The following OTUD1 variants were observed in gnomAD, a reference collection of about 807,000 sequenced individuals.
OTUD1 encodes OTU deubiquitinase 1.
In OTUD1, 15 loss-of-function variants were observed where a neutral mutation model predicts 30.0. The ratio of observed to expected loss-of-function variants is 0.50; its 90% CI spans 0.33 to 0.77. The LOEUF (loss-of-function observed/expected upper bound fraction) is 0.77, where lower values mean the gene tolerates loss of function less well. Ranked by LOEUF, OTUD1 falls within the 30% of genes least tolerant of loss-of-function variation. The pLI, the probability that OTUD1 is intolerant of heterozygous loss-of-function variation, is 0.02. For synonymous variants in OTUD1, 381 were observed against 326.3 expected (o/e 1.17, Z -1.81); for missense variants, 796 against 697.8 (o/e 1.14, Z -1.59).
Position 23,440,703 on chromosome 10 carries a change from G to A in OTUD1, c.1246G>A (p.Asp416Asn). The A allele has an allele frequency of 6.4e-7, 1 of 1,551,920 alleles. No homozygotes were observed. The highest frequency in any genetic ancestry group is 8.7e-7 in the Non-Finnish European group (1 of 1,147,058). ...STMIHYLGPE[D>N]SLRPSIWLSW... ...CATGATTCATTATTTGGGCCCAGAG[G>A]ATTCCCTGAGGCCTAGTATTTGGCT... The change falls in exon 1 of 1, where the codon GAT becomes AAT. Residue 416 changes from aspartate (D) to asparagine (N), a missense_variant. By Grantham distance (23) the Asp-to-Asn change is conservative. Coordinates refer to ENST00000376495, the MANE Select transcript of OTUD1 (RefSeq NM_001145373.3).
Position 23,441,114 on chromosome 10 carries a change from T to C in OTUD1, c.*211T>C, listed in dbSNP as rs899198466. The C allele has an allele frequency of 6.0e-5, 35 of 582,410 alleles. No homozygotes were observed. Among genetic ancestry groups the C allele is most frequent in the Non-Finnish European group, 2.8e-5 (9 of 327,002 alleles). The allele number at this position is 582,410 out of a possible 1,614,324, so 36.1% of individuals were successfully genotyped here. On this transcript the variant is annotated 3_prime_UTR_variant, in exon 1 of 1. Coordinates refer to ENST00000376495, the MANE Select transcript of OTUD1 (RefSeq NM_001145373.3). ...GTTTCATGATAGCTTTGGGTGATTTTACTGCTATTTATAATTTGCTGTATA... is the reference window on the plus strand; with the variant it reads ...GTTTCATGATAGCTTTGGGTGATTTCACTGCTATTTATAATTTGCTGTATA...
Position 23,439,638 on chromosome 10 carries a change from C to A in OTUD1, c.181C>A (p.His61Asn). 7.7e-7 allele frequency: 1 copy of A among 1,299,152 alleles called. No individual in the cohort carries two copies. Among genetic ancestry groups the A allele is most frequent in the South Asian group, 1.9e-5 (1 of 53,328 alleles). 80.5% of individuals were successfully genotyped at this position (1,299,152 alleles called of 1,614,324 possible). ...GECQPAAAAE[H>N]REAAAVPAAK... ...GTGCCAGCCCGCCGCGGCCGCCGAG[C>A]ACCGGGAAGCCGCCGCTGTCCCCGC... Residue 61 changes from histidine to asparagine, a missense_variant, in exon 1 of 1, where the codon CAC becomes AAC. His to Asn is a moderately conservative substitution (Grantham distance 68). Coordinates refer to ENST00000376495, the MANE Select transcript of OTUD1 (RefSeq NM_001145373.3).
rs1847121277 is a variant in OTUD1 at position 23,440,934 on chromosome 10, A to G, written c.*31A>G. The G allele has an allele frequency of 6.6e-7, 1 of 1,523,168 alleles. No individual in the cohort carries two copies. Among genetic ancestry groups the G allele is most frequent in the Non-Finnish European group, 8.8e-7 (1 of 1,132,710 alleles). 94.4% of individuals were successfully genotyped at this position (1,523,168 alleles called of 1,614,324 possible). A position where few individuals can be genotyped will look rare whatever the true frequency, so the allele number is the denominator to read the frequency against. On this transcript the variant is annotated 3_prime_UTR_variant, in exon 1 of 1. Coordinates refer to ENST00000376495, the MANE Select transcript of OTUD1 (RefSeq NM_001145373.3). ...CTCAAAACCTTACACCCTGGGAATA[A>G]TTGCATATATAACTTGTGTTTGGAG...
chr10:23,440,001 T>A lies in OTUD1; in HGVS notation c.544T>A (p.Leu182Met). The change falls in exon 1 of 1, where the codon TTG becomes ATG. Residue 182 changes from leucine to methionine, a missense_variant. By Grantham distance (15) the Leu-to-Met change is conservative (BLOSUM62 2). Transcript: ENST00000376495. ...GCCCGACTGCCCCGAGCCCGCGGGC[T>A]TGGACGCGACACGGGAGGGGCCCGA... ...LRPDCPEPAGLDATREGPDRN... is the reference protein window; with the variant it reads ...LRPDCPEPAGMDATREGPDRN... 7.1e-7 allele frequency: 1 copy of A among 1,403,482 alleles called. No individual in the cohort carries two copies. Among genetic ancestry groups the A allele is most frequent in the East Asian group, 3.1e-5 (1 of 32,370 alleles). 86.9% of individuals were successfully genotyped at this position (1,403,482 alleles called of 1,614,324 possible). A position where few individuals can be genotyped will look rare whatever the true frequency, so the allele number is the denominator to read the frequency against.
Position 23,439,349 on chromosome 10 carries a change from G to C in OTUD1, c.-109G>C, listed in dbSNP as rs1002684380. ...CTGCCTTTCGCTCATCTCTATTCTG[G>C]GGCCGTTGGGTCACCGCGCTCCGCC... On this transcript the variant is annotated 5_prime_UTR_variant, in exon 1 of 1. Coordinates refer to ENST00000376495, the MANE Select transcript of OTUD1 (RefSeq NM_001145373.3). 2.0e-6 allele frequency: 2 copies of C among 1,004,684 alleles called. No homozygotes were observed. The highest frequency in any genetic ancestry group is 3.4e-5 in the African/African-American group (2 of 58,740). 62.2% of individuals were successfully genotyped at this position (1,004,684 alleles called of 1,614,324 possible).
chr10:23,439,822 AC>A lies in OTUD1; in HGVS notation c.366del (p.Asp122GlufsTer74). On this transcript the variant is annotated frameshift_variant, in exon 1 of 1. Coordinates refer to ENST00000376495, the MANE Select transcript of OTUD1 (RefSeq NM_001145373.3). LOFTEE classifies it high-confidence loss of function. ...AQITVRALGA[D>X]RLLLHGPDPV... The stretch of plus-strand genomic sequence containing the variant: ...ATCACCGTGCGGGCCCTGGGCGCCG[AC>A]AGGCTCCTGCTGCACGGGCCCGATC... The A allele has an allele frequency of 8.9e-7, 1 of 1,120,444 alleles. No individual in the cohort carries two copies. Among genetic ancestry groups the A allele is most frequent in the Non-Finnish European group, 1.1e-6 (1 of 920,720 alleles). 69.4% of individuals were successfully genotyped at this position (1,120,444 alleles called of 1,614,324 possible). A position where few individuals can be genotyped will look rare whatever the true frequency, so the allele number is the denominator to read the frequency against.
Position 23,439,908 on chromosome 10 carries a change from C to G in OTUD1, c.451C>G (p.Pro151Ala). 11 of 1,205,852 alleles carry G rather than the reference C, an allele frequency of 9.1e-6. No homozygotes were observed. Among genetic ancestry groups the G allele is most frequent in the Non-Finnish European group, 1.1e-5 (11 of 974,454 alleles). 74.7% of individuals were successfully genotyped at this position (1,205,852 alleles called of 1,614,324 possible). The change falls in exon 1 of 1, where the codon CCG (proline) becomes GCG (alanine). Residue 151 changes from proline (P) to alanine (A), a missense_variant. Physicochemically the swap from Pro to Ala is conservative, Grantham distance 27. Transcript: ENST00000376495. ...APRGRCLLLAPAPAAPVPPRR... is the reference protein window; with the variant it reads ...APRGRCLLLAAAPAAPVPPRR... ...GCGCGGCCGCTGCCTCCTGCTCGCC[C>G]CGGCGCCCGCAGCCCCGGTCCCGCC...
chr10:23,439,962 G>C lies in OTUD1; in HGVS notation c.505G>C (p.Glu169Gln). 7.8e-7 allele frequency: 1 copy of C among 1,277,510 alleles called. No homozygotes were observed. Among genetic ancestry groups the C allele is most frequent in the Non-Finnish European group, 9.8e-7 (1 of 1,016,834 alleles). 79.1% of individuals were successfully genotyped at this position (1,277,510 alleles called of 1,614,324 possible). A position where few individuals can be genotyped will look rare whatever the true frequency, so the allele number is the denominator to read the frequency against. ...PRRGSSAWLL[E>Q]ELLRPDCPEP... is the part of the protein sequence containing the mutation. ...GCGGGGCTCCTCGGCCTGGCTCCTG[G>C]AGGAGCTGCTGCGGCCCGACTGCCC... The change falls in exon 1 of 1, where the codon GAG (glutamate) becomes CAG (glutamine). Residue 169 changes from glutamate to glutamine, a missense_variant. Transcript: ENST00000376495.
chr10:23,440,103 AGCCCCGATCCCG>A lies in OTUD1; in HGVS notation c.653_664del (p.Asp218_Pro221del), dbSNP rs1847111030. ...CCGAGGCCCCGCGGCGACCCCGGGG[AGCCCCGATCCCG>A]GCCCCGGTCCGTGGGGCGAAGAGCA... On this transcript the variant is annotated inframe_deletion, in exon 1 of 1. Transcript: ENST00000376495. The A allele has an allele frequency of 7.0e-7, 1 of 1,428,264 alleles. No homozygotes were observed. The highest frequency in any genetic ancestry group is 1.5e-5 in the African/African-American group (1 of 66,312). 88.5% of individuals were successfully genotyped at this position (1,428,264 alleles called of 1,614,324 possible).
rs1381437754 is a variant in OTUD1, at chr10:23,440,847, A to C, written c.1390A>C (p.Lys464Gln). 4 of 1,552,012 alleles carry C rather than the reference A, an allele frequency of 2.6e-6. No individual in the cohort carries two copies. The South Asian group carries it at 3.6e-5, about 14-fold the overall frequency. Residue 464 changes from lysine to glutamine, a missense_variant, in exon 1 of 1, where the codon AAA becomes CAA. Transcript: ENST00000376495. Reference protein sequence around the residue: ...VQRKRDEELAKSMAISLSKMY... With the variant: ...VQRKRDEELAQSMAISLSKMY... ...AAGGAAACGCGACGAAGAACTTGCC[A>C]AATCTATGGCCATATCCTTGTCTAA...
In OTUD1 at chr10:23,441,322, A is replaced by G. The variant is rs535037814; in HGVS notation, c.*419A>G. 13 of 177,136 alleles carry G rather than the reference A, an allele frequency of 7.3e-5. No individual in the cohort carries two copies. Among genetic ancestry groups the G allele is most frequent in the African/African-American group, 2.6e-4 (11 of 41,788 alleles). 11.0% of individuals were successfully genotyped at this position (177,136 alleles called of 1,614,324 possible). ...GCGTAAATCCAGAGAAGTGCTTTAT[A>G]TGAAATGTATTATTTTGAACAGAGT... On this transcript the variant is annotated 3_prime_UTR_variant, in exon 1 of 1. Coordinates refer to ENST00000376495, the MANE Select transcript of OTUD1 (RefSeq NM_001145373.3).
Position 23,440,798 on chromosome 10 carries a change from C to G in OTUD1, c.1341C>G (p.Asn447Lys), listed in dbSNP as rs1847119261. The change falls in exon 1 of 1, where the codon AAC (asparagine) becomes AAG (lysine). Residue 447 changes from asparagine (N) to lysine (K), a missense_variant. Coordinates refer to ENST00000376495, the MANE Select transcript of OTUD1 (RefSeq NM_001145373.3). Reference sequence around the variant, plus strand: ...CCTATCCTAACCCAGAGTACGACAACTGGTGCAAACAAACTCAAGTGCAAA... The same window carrying G: ...CCTATCCTAACCCAGAGTACGACAAGTGGTGCAAACAAACTCAAGTGCAAA... ...DHSYPNPEYD[N>K]WCKQTQVQRK... 6.4e-7 allele frequency: 1 copy of G among 1,552,222 alleles called. No homozygotes were observed. The highest frequency in any genetic ancestry group is 2.0e-5 in the Admixed American group (1 of 51,018).
Position 23,442,047 on chromosome 10 carries a change from T to C in OTUD1, c.*1144T>C, listed in dbSNP as rs1024274310. 1.8e-5 allele frequency: 3 copies of C among 167,040 alleles called. No homozygotes were observed. The highest frequency in any genetic ancestry group is 7.2e-5 in the African/African-American group (3 of 41,480). 10.3% of individuals were successfully genotyped at this position (167,040 alleles called of 1,614,324 possible). A position where few individuals can be genotyped will look rare whatever the true frequency, so the allele number is the denominator to read the frequency against. On this transcript the variant is annotated 3_prime_UTR_variant, in exon 1 of 1. Transcript: ENST00000376495. ...CTTTAACTACTTTTAGTCATATTTA[T>C]TAAGTAATGCAGTTTGTACTTTTTT...
Position 23,442,118 on chromosome 10 carries a change from A to G in OTUD1, c.*1215A>G, listed in dbSNP as rs1173212204. On this transcript the variant is annotated 3_prime_UTR_variant, in exon 1 of 1. Coordinates refer to ENST00000376495, the MANE Select transcript of OTUD1 (RefSeq NM_001145373.3). ...TTTTTTTGTACAAAACTGTATTTGT[A>G]CAATAGAGCAATTCCCAGCTGATGG... The G allele has an allele frequency of 6.0e-6, 1 of 167,030 alleles. No homozygotes were observed. Among genetic ancestry groups the G allele is most frequent in the Non-Finnish European group, 1.5e-5 (1 of 68,124 alleles). The allele number at this position is 167,030 out of a possible 1,614,324, so 10.3% of individuals were successfully genotyped here. A position where few individuals can be genotyped will look rare whatever the true frequency, so the allele number is the denominator to read the frequency against.
rs765397206 is a variant in OTUD1, at chr10:23,439,725, TCCGCCG to T, written c.275_280del (p.Ala92_Ala93del). 3 of 1,175,080 alleles carry T rather than the reference TCCGCCG, an allele frequency of 2.6e-6. No individual in the cohort carries two copies. Among genetic ancestry groups the T allele is most frequent in the Non-Finnish European group, 3.1e-6 (3 of 956,164 alleles). The allele number at this position is 1,175,080 out of a possible 1,614,324, so 72.8% of individuals were successfully genotyped here. On this transcript the variant is annotated inframe_deletion, in exon 1 of 1. Transcript: ENST00000376495. ...GGTGTCCGGGGCCGCCGCGCCCGCC[TCCGCCG>T]CCGCCGGCCCGCCCGGCGCGTCCTG...
rs1037917114 is a variant in OTUD1, at chr10:23,440,240, A to G, written c.783A>G (p.Ala261=). The change falls in exon 1 of 1, where the codon GCA becomes GCG. Residue 261 remains alanine (A), a synonymous_variant. Coordinates refer to ENST00000376495, the MANE Select transcript of OTUD1 (RefSeq NM_001145373.3). The part of the protein sequence containing the change: ...AARRPDPEAE[A]PPAGSIEAAP... ...GGAGGCCCGACCCAGAGGCCGAGGC[A>G]CCCCCCGCCGGGAGCATCGAGGCCG... 5 of 1,540,196 alleles carry G rather than the reference A, an allele frequency of 3.2e-6. No homozygotes were observed. Among genetic ancestry groups the G allele is most frequent in the Non-Finnish European group, 4.4e-6 (5 of 1,139,998 alleles).
chr10:23,440,619 C>G lies in OTUD1; in HGVS notation c.1162C>G (p.Leu388Val). The G allele has an allele frequency of 6.4e-7, 1 of 1,551,746 alleles. No individual in the cohort carries two copies. The highest frequency in any genetic ancestry group is 8.7e-7 in the Non-Finnish European group (1 of 1,147,002). The change falls in exon 1 of 1, where the codon CTG becomes GTG. Residue 388 changes from leucine to valine, a missense_variant. Physicochemically the swap from Leu to Val is conservative, Grantham distance 32. Transcript: ENST00000376495. The part of the protein sequence containing the change: ...YPELLAMGQM[L>V]NVNIHLTTGG... ...GGAGTTGCTGGCCATGGGGCAGATGCTGAATGTGAATATCCATTTAACTAC... is the reference window on the plus strand; with the variant it reads ...GGAGTTGCTGGCCATGGGGCAGATGGTGAATGTGAATATCCATTTAACTAC...
At position 23,439,522 on chromosome 10, in the gene OTUD1, C is replaced by T. The variant is rs1847101999; in HGVS notation, c.65C>T (p.Ala22Val). The T allele has an allele frequency of 1.5e-6, 2 of 1,367,850 alleles. No individual in the cohort carries two copies. The highest frequency in any genetic ancestry group is 9.4e-7 in the Non-Finnish European group (1 of 1,060,240). 84.7% of individuals were successfully genotyped at this position (1,367,850 alleles called of 1,614,324 possible). ...PAGAPGPTAA[A>V]PAPPAAATPF... ...GGGGCCCCGGGTCCCACGGCCGCCG[C>T]CCCCGCGCCACCCGCCGCCGCTACC... The change falls in exon 1 of 1, where the codon GCC becomes GTC. Residue 22 changes from alanine to valine, a missense_variant. Transcript: ENST00000376495.
chr10:23,441,109 G>A lies in OTUD1; in HGVS notation c.*206G>A. ...ATGATGTTTCATGATAGCTTTGGGT[G>A]ATTTTACTGCTATTTATAATTTGCT... On this transcript the variant is annotated 3_prime_UTR_variant, in exon 1 of 1. Coordinates refer to ENST00000376495, the MANE Select transcript of OTUD1 (RefSeq NM_001145373.3). 1 of 589,462 alleles carries A rather than the reference G, an allele frequency of 1.7e-6. No homozygotes were observed. Among genetic ancestry groups the A allele is most frequent in the Non-Finnish European group, 3.0e-6 (1 of 332,106 alleles). 36.5% of individuals were successfully genotyped at this position (589,462 alleles called of 1,614,324 possible).
Sources: gnomAD v4.1 joint callset for allele counts on GRCh38, gnomAD v4.1.1 for gene constraint, MANE v1.5 for transcripts, NCBI Gene and HGNC (gene_info 2026-07-23, HGNC 2026-07-21) for gene names.